FBXL7: variants seen among roughly 807,000 people sequenced by gnomAD.
FBXL7 encodes F-box/LRR-repeat protein 7.
Under a neutral mutation model 38.3 loss-of-function variants are expected in FBXL7, and 12 were observed. The ratio of observed to expected loss-of-function variants is 0.31; its 90% CI spans 0.20 to 0.51. FBXL7 has a LOEUF of 0.51. FBXL7 is among the 20% of genes least tolerant of loss of function. The pLI, the probability that FBXL7 is intolerant of heterozygous loss-of-function variation, is 0.98. For synonymous variants in FBXL7, 297 were observed against 300.9 expected, an observed-to-expected ratio of 0.99 and a Z score of 0.13; for missense variants, 567 against 676.4, an observed-to-expected ratio of 0.84 and a Z score of 1.79.
At chr5:15,620,499 C>T (rs373637648) in intron 2 of FBXL7, among the ~76,000 whole-genome samples, 1 of 151,806 alleles carries the variant, frequency 6.6e-6, no homozygotes, top group South Asian at 2.1e-4. Flanking sequence ...ATTCACCCGC[C>T]TCGGCCTCCT....
At chr5:15,690,331 G>T (rs1314579592) in intron 2 of FBXL7, among the ~76,000 whole-genome samples, 1 of 152,106 alleles carries the variant, frequency 6.6e-6, no homozygotes. Context: ...AATATACATT[G>T]TTCTTCAAAA....
chr5:15,895,359 T>C (rs1028232928), intron 2 of FBXL7, among the ~76,000 whole-genome samples: 4 of 152,162 alleles, frequency 2.6e-5, no homozygotes, highest in South Asian at 2.1e-4. Context: ...TTAATCTAGT[T>C]AATTTTGAAG....
At chr5:15,777,228 C>T (rs1218264490) in intron 2 of FBXL7, among the ~76,000 whole-genome samples, 1 of 152,026 alleles carries the variant, frequency 6.6e-6, no homozygotes, top group Non-Finnish European at 1.5e-5. Context: ...GGCAAACCCC[C>T]ACCTTGGACC....
chr5:15,898,803 G>C (rs1268739574), intron 2 of FBXL7, among the ~76,000 whole-genome samples: 4 of 152,170 alleles, frequency 2.6e-5, no homozygotes. Context: ...TGCGTTTGCA[G>C]CGCCATTTCC....
chr5:15,659,597 C>T (rs1469793456), intron 2 of FBXL7, among the ~76,000 whole-genome samples: 3 of 152,110 alleles, frequency 2.0e-5, no homozygotes, highest in Non-Finnish European at 4.4e-5. Flanking sequence ...CACATAAATA[C>T]AAACAAGGAT....
chr5:15,822,700 A>G (rs1738205020), intron 2 of FBXL7, among the ~76,000 whole-genome samples: 1 of 149,062 alleles, frequency 6.7e-6, no homozygotes, highest in Non-Finnish European at 1.5e-5. Context: ...ATGGCTTAGC[A>G]GGTACCATGC....
intron 2 of FBXL7, among the ~76,000 whole-genome samples, chr5:15,868,471 T>C (rs879202657): frequency 6.6e-6 from 1 of 152,232 alleles, no homozygotes; most frequent in Non-Finnish European, 1.5e-5. Context: ...CGGCATGGAC[T>C]TGGACTCAAC....
intron 2 of FBXL7, among the ~76,000 whole-genome samples, chr5:15,894,016 G>A (rs1477362967): frequency 1.3e-5 from 2 of 152,238 alleles, no homozygotes; most frequent in Non-Finnish European, 2.9e-5. Context: ...AGCCAGGCGC[G>A]GTGGCTTACG....
intron 2 of FBXL7, among the ~76,000 whole-genome samples, chr5:15,777,819 A>G (rs921705218): frequency 2.0e-5 from 3 of 151,366 alleles, no homozygotes; most frequent in African/African-American, 7.3e-5. Flanking sequence ...AAAAAGCACT[A>G]CTATTACATG....
In FBXL7 at chr5:15,583,535, G is replaced by A. The variant is rs185329325; in HGVS notation, c.38-32448G>A. Among the ~76,000 whole-genome samples, 462 of 152,328 alleles carry A rather than the reference G, an allele frequency of 3.0e-3. 3 individuals are homozygous for A. The highest frequency in any genetic ancestry group is 0.011 in the South Asian group (51 of 4,830). On this transcript the variant is annotated intron_variant, in intron 1 of 3. Transcript: ENST00000504595. ...ATACTGGTTACAAATGGGAGAAATT[G>A]GCCAAAACAAAGGGGCTGTGGTCCC...
intron 2 of FBXL7, among the ~76,000 whole-genome samples, chr5:15,763,074 C>T (rs1249915881): frequency 2.6e-5 from 4 of 152,218 alleles, no homozygotes; most frequent in Non-Finnish European, 4.4e-5. Flanking sequence ...CTACATCTAG[C>T]GACCCTTCCA....
intron 2 of FBXL7, among the ~76,000 whole-genome samples, chr5:15,620,616 G>A (rs932121185): frequency 6.6e-6 from 1 of 152,046 alleles, no homozygotes; most frequent in Non-Finnish European, 1.5e-5. Flanking sequence ...GACCCGTTCC[G>A]AGGGGAGGAT....
At chr5:15,681,829 C>T (rs369349257) in intron 2 of FBXL7, among the ~76,000 whole-genome samples, 4 of 152,134 alleles carry the variant, frequency 2.6e-5, no homozygotes, top group East Asian at 1.9e-4. Context: ...AATAGGAATA[C>T]GTCAAATAAG....
intron 1 of FBXL7, chr5:15,602,154 T>C (rs1283347917): frequency 6.6e-6 from 1 of 152,200 alleles, no homozygotes; most frequent in East Asian, 1.9e-4. Flanking sequence ...ATGGCCCTGA[T>C]GACACCTTGA....
chr5:15,633,548 A>G (rs987472255), intron 2 of FBXL7, among the ~76,000 whole-genome samples: 3 of 151,726 alleles, frequency 2.0e-5, no homozygotes, highest in Non-Finnish European at 2.9e-5. Context: ...TCTGTTTTAT[A>G]TACATTTCCA....
chr5:15,722,574 T>C (rs573244360), intron 2 of FBXL7, among the ~76,000 whole-genome samples: 3 of 152,300 alleles, frequency 2.0e-5, no homozygotes, highest in African/African-American at 7.2e-5. Context: ...GCCGGCTCAT[T>C]TCCTGCTCAT....
At chr5:15,897,806 A>G (rs939122770) in intron 2 of FBXL7, among the ~76,000 whole-genome samples, 2 of 152,170 alleles carry the variant, frequency 1.3e-5, no homozygotes, top group African/African-American at 4.8e-5. Flanking sequence ...CAGGCAATGC[A>G]AGATGTTGCG....
At position 15,511,366 on chromosome 5, in the gene FBXL7, C is replaced by A. The variant is rs192575497; in HGVS notation, c.37+10653C>A. ...TCTAGGTTCTCCAGGACATTAGTAA[C>A]TTTTAATTGGTCTTTGCGCTGAAAC... On this transcript the variant is annotated intron_variant, in intron 1 of 3. Coordinates refer to ENST00000504595, the MANE Select transcript of FBXL7 (RefSeq NM_012304.5). 1.8e-3 allele frequency among the ~76,000 whole-genome samples: 278 copies of A among 152,302 alleles called. 3 individuals are homozygous for A. Among genetic ancestry groups the A allele is most frequent in the African/African-American group, 6.2e-3 (257 of 41,568 alleles).
At chr5:15,806,094 A>G (rs573867030) in intron 2 of FBXL7, among the ~76,000 whole-genome samples, 10 of 152,342 alleles carry the variant, frequency 6.6e-5, no homozygotes, top group African/African-American at 1.9e-4. Context: ...AAAGTAGTAA[A>G]TAAGACTGAA....
Sources: allele counts gnomAD v4.1 joint callset (sites outside exome capture counted in the v4.1 genomes callset), GRCh38; gene constraint gnomAD v4.1.1; transcripts MANE v1.5; gene names NCBI Gene and HGNC (gene_info 2026-07-23, HGNC 2026-07-21).